SLC9A5: variants seen among roughly 807,000 people sequenced by gnomAD.
The protein encoded by SLC9A5 is sodium/hydrogen exchanger 5.
SLC9A5 carries 52 observed loss-of-function variants against 91.7 expected under a neutral mutation model. The ratio of observed to expected loss-of-function variants is 0.57; its 90% CI spans 0.45 to 0.71. SLC9A5 has a LOEUF of 0.71. Ranked by LOEUF, SLC9A5 falls within the 30% of genes least tolerant of loss-of-function variation. The pLI, the probability that SLC9A5 is intolerant of heterozygous loss-of-function variation, is 0.00. For missense variants in SLC9A5, 871 were observed against 1,158.9 expected, an observed-to-expected ratio of 0.75 and a Z score of 3.61; for synonymous variants, 419 against 474.5, an observed-to-expected ratio of 0.88 and a Z score of 1.52.
At position 67,252,385 on chromosome 16, in the gene SLC9A5, G is replaced by A. The variant is rs1199086064; in HGVS notation, c.188-157G>A. On this transcript the variant is annotated intron_variant, in intron 1 of 15. Transcript: ENST00000299798. This position sits in a 1 kb window ranked among gnomAD's most constrained non-coding sequence, Gnocchi z 4.0. Reference sequence around the variant, plus strand: ...GAATCACTTGAACCCGGGAGGTGAAGGTTGCAGTGAGCTGAGATTGTGCTA... The same window carrying A: ...GAATCACTTGAACCCGGGAGGTGAAAGTTGCAGTGAGCTGAGATTGTGCTA... Among the ~76,000 whole-genome samples, 1 of 152,092 alleles carries A rather than the reference G, an allele frequency of 6.6e-6. No homozygotes were observed. Among genetic ancestry groups the A allele is most frequent in the Non-Finnish European group, 1.5e-5 (1 of 68,024 alleles).
intron 1 of SLC9A5, among the ~76,000 whole-genome samples, chr16:67,251,827 T>G (rs2035133439): frequency 6.6e-6 from 1 of 152,162 alleles, no homozygotes; most frequent in African/African-American, 2.4e-5. Flanking sequence ...TGCCCTAAGA[T>G]CACAGAACTA....
intron 12 of SLC9A5, among the ~76,000 whole-genome samples, chr16:67,260,400 G>A (rs1462413489): frequency 6.9e-6 from 1 of 145,408 alleles, no homozygotes; most frequent in Non-Finnish European, 1.5e-5. Flanking sequence ...TATCTCATCA[G>A]TAATAAGAAA....
In SLC9A5 at chr16:67,255,799, C is replaced by A. The variant is rs1217095791; in HGVS notation, c.780C>A (p.Val260=). ...TGGGCGGGGCAGCCGTGGGCTTAGTCTTTGCCTTCCTCCTGGCCCTGACCA... is the reference window on the plus strand; with the variant it reads ...TGGGCGGGGCAGCCGTGGGCTTAGTATTTGCCTTCCTCCTGGCCCTGACCA... ...VSLGGAAVGL[V]FAFLLALTTR... The change falls in exon 5 of 16, where the codon GTC becomes GTA. Residue 260 remains valine, a synonymous_variant. Coordinates refer to ENST00000299798, the MANE Select transcript of SLC9A5 (RefSeq NM_004594.3). This position sits in a 1 kb window ranked among gnomAD's most constrained non-coding sequence, Gnocchi z 4.9. 6.2e-7 allele frequency: 1 copy of A among 1,601,516 alleles called. No individual in the cohort carries two copies. The highest frequency in any genetic ancestry group is 8.5e-7 in the Non-Finnish European group (1 of 1,173,208).
intron 14 of SLC9A5, 143 bp from the exon 15 acceptor site, chr16:67,265,945 G>A: frequency 9.2e-7 from 1 of 1,091,874 alleles, no homozygotes; most frequent in Non-Finnish European, 1.3e-6. Context: ...TTAGGCCAGT[G>A]CTTGAAACAG....
Position 67,255,601 on chromosome 16 carries a change from CT to C in SLC9A5, c.733+131del. The C allele has an allele frequency of 7.8e-7, 1 of 1,287,146 alleles. No individual in the cohort carries two copies. Among genetic ancestry groups the C allele is most frequent in the East Asian group, 2.5e-5 (1 of 40,400 alleles). The allele number at this position is 1,287,146 out of a possible 1,614,324, so 79.7% of individuals were successfully genotyped here. ...CATCTCCTCTATAGAGAAATGGGGT[CT>C]GGGAGGGGCTTGCCAGGGATCCTGG... On this transcript the variant is annotated intron_variant, in intron 4 of 15. Coordinates refer to ENST00000299798, the MANE Select transcript of SLC9A5 (RefSeq NM_004594.3). This position sits in a 1 kb window ranked among gnomAD's most constrained non-coding sequence, Gnocchi z 4.9.
At chr16:67,267,993 A>G (rs1353412466) in intron 15 of SLC9A5, among the ~76,000 whole-genome samples, 1 of 152,128 alleles carries the variant, frequency 6.6e-6, no homozygotes, top group Non-Finnish European at 1.5e-5. Flanking sequence ...ATACTTCAGT[A>G]CATGTCTCTA....
In SLC9A5 at chr16:67,258,257, A is replaced by C. The variant is rs2035390351; in HGVS notation, c.1497-61A>C. The stretch of plus-strand genomic sequence containing the variant: ...GACGGTGTCCTTGCCCCGTCTGAGG[A>C]AGGGCCACCTGGCCAGGCCTTGGGA... On this transcript the variant is annotated intron_variant, in intron 9 of 15. Coordinates refer to ENST00000299798, the MANE Select transcript of SLC9A5 (RefSeq NM_004594.3). This position sits in a 1 kb window ranked among gnomAD's most constrained non-coding sequence, Gnocchi z 4.5. The C allele has an allele frequency of 6.3e-7, 1 of 1,595,078 alleles. No individual in the cohort carries two copies.
rs2035335862 is a variant in SLC9A5, at chr16:67,256,820, T to C, written c.1133-91T>C. 4 of 1,421,526 alleles carry C rather than the reference T, an allele frequency of 2.8e-6. No homozygotes were observed. The highest frequency in any genetic ancestry group is 9.8e-7 in the Non-Finnish European group (1 of 1,016,430). The allele number at this position is 1,421,526 out of a possible 1,614,324, so 88.1% of individuals were successfully genotyped here. A position where few individuals can be genotyped will look rare whatever the true frequency, so the allele number is the denominator to read the frequency against. Reference sequence around the variant, plus strand: ...CTTGTTGCTCACCTGTCCCAGCCCCTGTTAGACCTCAGCCCAGATACTTGG... The same window carrying C: ...CTTGTTGCTCACCTGTCCCAGCCCCCGTTAGACCTCAGCCCAGATACTTGG... On this transcript the variant is annotated intron_variant, in intron 6 of 15. Coordinates refer to ENST00000299798, the MANE Select transcript of SLC9A5 (RefSeq NM_004594.3). The surrounding 1 kb of genome is among the most constrained non-coding windows in gnomAD (Gnocchi z 4.1).
chr16:67,251,262 C>T lies in SLC9A5; in HGVS notation c.188-1280C>T, dbSNP rs550268043. ...GAGTGAGCCCATATAATGAAAAGCACATTGGGCTAGGAAGTCTACACAGCT... is the reference window on the plus strand; with the variant it reads ...GAGTGAGCCCATATAATGAAAAGCATATTGGGCTAGGAAGTCTACACAGCT... On this transcript the variant is annotated intron_variant, in intron 1 of 15. Transcript: ENST00000299798. Among the ~76,000 whole-genome samples the T allele has an allele frequency of 4.6e-5, 7 of 152,234 alleles. No homozygotes were observed. In the East Asian group the frequency reaches 1.2e-3, roughly 25 times the overall value.
Position 67,249,055 on chromosome 16 carries a change from C to CG in SLC9A5, c.46dup (p.Ala16GlyfsTer61). ...CTGTCCCTGCTCGCGCTGCCCCTGG[C>CG]GGGGGCGGCCGAAGAGCCCACCCAG... On this transcript the variant is annotated frameshift_variant, in exon 1 of 16. Coordinates refer to ENST00000299798, the MANE Select transcript of SLC9A5 (RefSeq NM_004594.3). LOFTEE classifies it high-confidence loss of function. 6.6e-7 allele frequency: 1 copy of CG among 1,506,782 alleles called. No individual in the cohort carries two copies. Among genetic ancestry groups the CG allele is most frequent in the Non-Finnish European group, 8.8e-7 (1 of 1,134,272 alleles). The allele number at this position is 1,506,782 out of a possible 1,614,324, so 93.3% of individuals were successfully genotyped here.
chr16:67,258,571 G>T lies in SLC9A5; in HGVS notation c.1626+124G>T. 2 of 1,183,528 alleles carry T rather than the reference G, an allele frequency of 1.7e-6. No homozygotes were observed. 73.3% of individuals were successfully genotyped at this position (1,183,528 alleles called of 1,614,324 possible). A position where few individuals can be genotyped will look rare whatever the true frequency, so the allele number is the denominator to read the frequency against. On this transcript the variant is annotated intron_variant, in intron 10 of 15. Coordinates refer to ENST00000299798, the MANE Select transcript of SLC9A5 (RefSeq NM_004594.3). This position sits in a 1 kb window ranked among gnomAD's most constrained non-coding sequence, Gnocchi z 4.5. ...GTTGGGAATTCCTAGCTGGCTCCATGGTCTGGTGAAGTGGCAGCGGCAGGA... is the reference window on the plus strand; with the variant it reads ...GTTGGGAATTCCTAGCTGGCTCCATTGTCTGGTGAAGTGGCAGCGGCAGGA...
At position 67,255,945 on chromosome 16, in the gene SLC9A5, C is replaced by T. The variant is rs764105017; in HGVS notation, c.911+15C>T. ...GCCATTCTTGCGTGAGTTCTGGGGG[C>T]CTTGCAGGCAGATAGCTGGGAGGGG... On this transcript the variant is annotated intron_variant, in intron 5 of 15. Coordinates refer to ENST00000299798, the MANE Select transcript of SLC9A5 (RefSeq NM_004594.3). This position sits in a 1 kb window ranked among gnomAD's most constrained non-coding sequence, Gnocchi z 4.9. 6 of 1,609,416 alleles carry T rather than the reference C, an allele frequency of 3.7e-6. No homozygotes were observed. The highest frequency in any genetic ancestry group is 5.1e-6 in the Non-Finnish European group (6 of 1,177,654).
rs2035371108 is a variant in SLC9A5 at position 67,257,704 on chromosome 16, G to T, written c.1496+103G>T. 8.0e-7 allele frequency: 1 copy of T among 1,254,058 alleles called. No individual in the cohort carries two copies. Among genetic ancestry groups the T allele is most frequent in the South Asian group, 1.2e-5 (1 of 81,128 alleles). 77.7% of individuals were successfully genotyped at this position (1,254,058 alleles called of 1,614,324 possible). Reference sequence around the variant, plus strand: ...CTGAGAAGGGACAGAGCCAGGTTCAGGCTGGGTGACCTCTGCCTGAAGCCC... The same window carrying T: ...CTGAGAAGGGACAGAGCCAGGTTCATGCTGGGTGACCTCTGCCTGAAGCCC... On this transcript the variant is annotated intron_variant, in intron 9 of 15. Transcript: ENST00000299798. This position sits in a 1 kb window ranked among gnomAD's most constrained non-coding sequence, Gnocchi z 5.1.
At chr16:67,250,200 A>T (rs1236588157) in intron 1 of SLC9A5, among the ~76,000 whole-genome samples, 1 of 152,192 alleles carries the variant, frequency 6.6e-6, no homozygotes, top group Admixed American at 6.5e-5. Flanking sequence ...GCTGGGCAGG[A>T]ACAGAACTCT....
At chr16:67,254,990 A>G in intron 2 of SLC9A5, 31 bp from the exon 3 acceptor site, 1 of 1,591,558 alleles carries the variant, frequency 6.3e-7, no homozygotes, top group Non-Finnish European at 8.6e-7. Flanking sequence ...GTCTTCAATG[A>G]CTGGCCTGTC....
At position 67,258,417 on chromosome 16, in the gene SLC9A5, C is replaced by T. The variant is rs751224760; in HGVS notation, c.1596C>T (p.Asn532=). Residue 532 remains asparagine (N), a synonymous_variant, in exon 10 of 16, where the codon AAC becomes AAT. Coordinates refer to ENST00000299798, the MANE Select transcript of SLC9A5 (RefSeq NM_004594.3). This position sits in a 1 kb window ranked among gnomAD's most constrained non-coding sequence, Gnocchi z 4.5. ...DQIWDVYYRL[N]IRDAISFVDQ... ...TCTGGGATGTGTACTACAGGCTTAA[C>T]ATCCGGGATGCCATCAGCTTTGTGG... The T allele has an allele frequency of 1.9e-6, 3 of 1,614,212 alleles. No individual in the cohort carries two copies. In the Admixed American group the frequency reaches 5.0e-5, roughly 27 times the overall value.
Position 67,256,534 on chromosome 16 carries a change from C to T in SLC9A5, c.977C>T (p.Thr326Ile). The T allele has an allele frequency of 6.2e-7, 1 of 1,614,002 alleles. No homozygotes were observed. Residue 326 changes from threonine (T) to isoleucine (I), a missense_variant, in exon 6 of 16, where the codon ACA becomes ATA. Thr to Ile is a moderately conservative substitution (Grantham distance 89, BLOSUM62 -1). Coordinates refer to ENST00000299798, the MANE Select transcript of SLC9A5 (RefSeq NM_004594.3). This position sits in a 1 kb window ranked among gnomAD's most constrained non-coding sequence, Gnocchi z 4.1. ...VEANISHKSRTTVKYTMKTLA... is the reference protein window; with the variant it reads ...VEANISHKSRITVKYTMKTLA... ...GCCAACATCTCCCATAAGTCACGCA[C>T]AACTGTCAAATATACAATGAAGACT... is the stretch of plus-strand genomic sequence containing the variant.
In SLC9A5 at chr16:67,249,190, T is replaced by G; in HGVS notation, c.176T>G (p.Leu59Arg). The G allele has an allele frequency of 6.5e-7, 1 of 1,531,052 alleles. No individual in the cohort carries two copies. The highest frequency in any genetic ancestry group is 8.7e-7 in the Non-Finnish European group (1 of 1,144,966). 94.8% of individuals were successfully genotyped at this position (1,531,052 alleles called of 1,614,324 possible). A position where few individuals can be genotyped will look rare whatever the true frequency, so the allele number is the denominator to read the frequency against. The change falls in exon 1 of 16, where the codon CTG becomes CGG. Residue 59 changes from leucine to arginine, a missense_variant. This residue lies in a region of SLC9A5 where 122 missense variants were observed against 114.5 expected (regional missense o/e 1.07). Coordinates refer to ENST00000299798, the MANE Select transcript of SLC9A5 (RefSeq NM_004594.3). ...LVALWILVAS[L>R]AKIVFHLSRK... is the part of the protein sequence containing the mutation. ...GCCCTGTGGATCCTGGTGGCCAGTC[T>G]GGCCAAAATCGGTGAGTGCGTGTGT...
chr16:67,261,291 G>A (rs2035523794), intron 12 of SLC9A5: 1 of 152,150 alleles, frequency 6.6e-6, no homozygotes. Context: ...TAAACTCCCA[G>A]GTCTTCCTCA....
Sources: allele counts gnomAD v4.1 joint callset (sites outside exome capture counted in the v4.1 genomes callset), GRCh38; gene constraint gnomAD v4.1.1; regional missense constraint gnomAD v4.1.1; non-coding constraint Gnocchi (gnomAD v3.1); transcripts MANE v1.5; gene names NCBI Gene and HGNC (gene_info 2026-07-23, HGNC 2026-07-21).